The following ZSCAN21 variants were observed in gnomAD, a reference collection of about 807,000 sequenced individuals.
ZSCAN21 encodes zinc finger and SCAN domain containing 21.
A neutral mutation model predicts 35.6 loss-of-function variants in ZSCAN21; 26 were observed. That is an observed-to-expected ratio of 0.73 (90% CI 0.54 to 1.01). ZSCAN21 has a LOEUF of 1.01. ZSCAN21 is among the 50% of genes least tolerant of loss of function. The probability of loss-of-function intolerance (pLI) is 0.00; values close to 1 mark genes in which losing one functional copy is unlikely to be tolerated. For missense variants in ZSCAN21, 593 were observed against 587.1 expected, an observed-to-expected ratio of 1.01 and a Z score of -0.10; for synonymous variants, 219 against 219.3, an observed-to-expected ratio of 1.00 and a Z score of 0.01.
chr7:100,056,536 C>T (rs1044600755), intron 1 of ZSCAN21, among the ~76,000 whole-genome samples: 3 of 152,014 alleles, frequency 2.0e-5, no homozygotes, highest in South Asian at 2.1e-4. Context: ...GCAGGCTTGG[C>T]TCATTGTATC....
Position 100,057,760 on chromosome 7 carries a change from A to G in ZSCAN21, c.462A>G (p.Ala154=). 1.9e-6 allele frequency: 3 copies of G among 1,614,120 alleles called. No homozygotes were observed. Among genetic ancestry groups the G allele is most frequent in the Non-Finnish European group, 2.5e-6 (3 of 1,180,008 alleles). The change falls in exon 3 of 4, where the codon GCA becomes GCG. Residue 154 remains alanine, a synonymous_variant. Transcript: ENST00000292450. The part of the protein sequence containing the change: ...VWEKISSSGT[A]KESPSSMQPQ... ...AGAAGATATCCTCCTCAGGAACTGC[A>G]AAGGAATCCCCGAGCAGCATGCAGC...
intron 1 of ZSCAN21, among the ~76,000 whole-genome samples, chr7:100,051,038 A>G (rs1791841791): frequency 6.6e-6 from 1 of 150,856 alleles, no homozygotes; most frequent in African/African-American, 2.4e-5. Flanking sequence ...CTACAAATAC[A>G]AAATTAGGCG....
At chr7:100,053,497 A>G (rs1307569751) in intron 1 of ZSCAN21, among the ~76,000 whole-genome samples, 2 of 145,108 alleles carry the variant, frequency 1.4e-5, no homozygotes, top group African/African-American at 5.1e-5. Context: ...ACGTAAAGTT[A>G]ATCTGCCACT....
chr7:100,059,637 C>G (rs908909939), intron 3 of ZSCAN21, among the ~76,000 whole-genome samples: 20 of 147,518 alleles, frequency 1.4e-4, no homozygotes, highest in African/African-American at 4.5e-4. Flanking sequence ...AGTGCAACCT[C>G]TGCCTCCCAG....
At position 100,059,419 on chromosome 7, in the gene ZSCAN21, G is replaced by GA. The variant is rs201520961; in HGVS notation, c.592+1530dup. Among the ~76,000 whole-genome samples, 1,456 of 152,282 alleles carry GA rather than the reference G, an allele frequency of 9.6e-3. 9 individuals are homozygous for GA. The highest frequency in any genetic ancestry group is 0.013 in the Admixed American group (201 of 15,294). ...TAGCCCCTTGGCAGTATTACACAAA[G>GA]AGGAGGGTGGAGTGGAAGGATTATC... On this transcript the variant is annotated intron_variant, in intron 3 of 3. Transcript: ENST00000292450.
intron 3 of ZSCAN21, among the ~76,000 whole-genome samples, chr7:100,058,865 T>G (rs1052896124): frequency 3.3e-5 from 5 of 152,202 alleles, no homozygotes; most frequent in Non-Finnish European, 5.9e-5. Flanking sequence ...TCTGGCTAAC[T>G]TTATTTTTTT....
intron 1 of ZSCAN21, among the ~76,000 whole-genome samples, chr7:100,052,407 C>T (rs1791912583): frequency 6.6e-6 from 1 of 151,282 alleles, no homozygotes; most frequent in South Asian, 2.1e-4. Flanking sequence ...CCAGTCTAGG[C>T]AACAGGCTAA....
At chr7:100,058,810 A>G (rs925392726) in intron 3 of ZSCAN21, among the ~76,000 whole-genome samples, 2 of 152,138 alleles carry the variant, frequency 1.3e-5, no homozygotes, top group Admixed American at 1.3e-4. Context: ...CTGGGGCTCA[A>G]ATGATCCTCC....
chr7:100,053,545 A>AC (rs1554357976), intron 1 of ZSCAN21, among the ~76,000 whole-genome samples: 38,793 of 129,990 alleles, frequency 0.3, 6,905 homozygotes, highest in Middle Eastern at 0.49. Context: ...ATACATACAT[A>AC]ATTTTTTTTT....
intron 3 of ZSCAN21, among the ~76,000 whole-genome samples, chr7:100,063,502 T>C (rs960079796): frequency 6.6e-6 from 1 of 152,078 alleles, no homozygotes; most frequent in Non-Finnish European, 1.5e-5. Context: ...CTCTGGAGGC[T>C]GAGGCAGGAG....
intron 1 of ZSCAN21, among the ~76,000 whole-genome samples, chr7:100,056,343 A>G (rs370851532): frequency 4.5e-4 from 68 of 152,342 alleles, no homozygotes; most frequent in African/African-American, 1.4e-3. Flanking sequence ...TATAATATCT[A>G]TAGTGGTGAG....
intron 1 of ZSCAN21, among the ~76,000 whole-genome samples, chr7:100,056,344 T>C (rs892967725): frequency 6.6e-6 from 1 of 152,250 alleles, no homozygotes; most frequent in African/African-American, 2.4e-5. Context: ...ATAATATCTA[T>C]AGTGGTGAGA....
rs144925041 is a variant in ZSCAN21, at chr7:100,064,069, C to A, written c.874C>A (p.Leu292Ile). 1 of 1,614,182 alleles carries A rather than the reference C, an allele frequency of 6.2e-7. No individual in the cohort carries two copies. The highest frequency in any genetic ancestry group is 8.5e-7 in the Non-Finnish European group (1 of 1,180,050). ...CGKAFSNSSN[L>I]TKHRRTHTGE... is the part of the protein sequence containing the mutation. ...CAAAGCCTTTAGTAATAGCTCAAAT[C>A]TCACCAAACACAGGAGAACACACAC... is the stretch of plus-strand genomic sequence containing the variant. The change falls in exon 4 of 4, where the codon CTC (leucine) becomes ATC (isoleucine). Residue 292 changes from leucine to isoleucine, a missense_variant. Coordinates refer to ENST00000292450, the MANE Select transcript of ZSCAN21 (RefSeq NM_145914.3).
Position 100,064,324 on chromosome 7 carries a change from C to T in ZSCAN21, c.1129C>T (p.Arg377Cys), listed in dbSNP as rs371893061. 13 of 1,613,394 alleles carry T rather than the reference C, an allele frequency of 8.1e-6. No homozygotes were observed. Among genetic ancestry groups the T allele is most frequent in the South Asian group, 1.1e-5 (1 of 91,024 alleles). Residue 377 changes from arginine to cysteine, a missense_variant, in exon 4 of 4, where the codon CGT becomes TGT. By Grantham distance (180) the Arg-to-Cys change is radical. Coordinates refer to ENST00000292450, the MANE Select transcript of ZSCAN21 (RefSeq NM_145914.3). Reference protein sequence around the residue: ...KAFSGKGSLIRHYRIHTGEKP... With the variant: ...KAFSGKGSLICHYRIHTGEKP... Reference sequence around the variant, plus strand: ...TTTCAGCGGGAAAGGCAGCCTCATTCGTCACTATCGGATCCACACTGGGGA... The same window carrying T: ...TTTCAGCGGGAAAGGCAGCCTCATTTGTCACTATCGGATCCACACTGGGGA...
At chr7:100,053,288 G>A (rs1791951696) in intron 1 of ZSCAN21, among the ~76,000 whole-genome samples, 1 of 151,990 alleles carries the variant, frequency 6.6e-6, no homozygotes, top group African/African-American at 2.4e-5. Flanking sequence ...GATTCACCAA[G>A]TTCTCAGAGT....
chr7:100,057,814 C>T lies in ZSCAN21; in HGVS notation c.516C>T (p.Tyr172=), dbSNP rs370513852. Residue 172 remains tyrosine (Y), a synonymous_variant, in exon 3 of 4, where the codon TAC becomes TAT. Coordinates refer to ENST00000292450, the MANE Select transcript of ZSCAN21 (RefSeq NM_145914.3). ...QPQPLETSHK[Y]ESWGPLYIQE... is the part of the protein sequence containing the mutation. ...AGCCCTTGGAGACCAGTCACAAATA[C>T]GAGTCTTGGGGGCCCCTGTACATCC... 83 of 1,613,914 alleles carry T rather than the reference C, an allele frequency of 5.1e-5. No individual in the cohort carries two copies. Among genetic ancestry groups the T allele is most frequent in the South Asian group, 2.7e-4 (25 of 91,072 alleles).
intron 1 of ZSCAN21, among the ~76,000 whole-genome samples, chr7:100,055,517 G>A (rs1405834991): frequency 2.0e-5 from 3 of 152,132 alleles, no homozygotes; most frequent in African/African-American, 4.8e-5. Context: ...CTCCCAGAGT[G>A]CTGGGATTAC....
At position 100,057,362 on chromosome 7, in the gene ZSCAN21, T is replaced by C; in HGVS notation, c.356T>C (p.Leu119Pro). Residue 119 changes from leucine to proline, a missense_variant, in exon 2 of 4, where the codon CTC (leucine) becomes CCC (proline). Physicochemically the swap from Leu to Pro is moderately conservative, Grantham distance 98. Coordinates refer to ENST00000292450, the MANE Select transcript of ZSCAN21 (RefSeq NM_145914.3). ...CPESAEEAVT[L>P]LEDLERELDE... ...GAGAGCGCTGAAGAGGCTGTCACTCTCCTCGAAGATCTGGAGCGGGAACTG... is the reference window on the plus strand; with the variant it reads ...GAGAGCGCTGAAGAGGCTGTCACTCCCCTCGAAGATCTGGAGCGGGAACTG... 1 of 1,577,790 alleles carries C rather than the reference T, an allele frequency of 6.3e-7. No homozygotes were observed. Among genetic ancestry groups the C allele is most frequent in the Non-Finnish European group, 8.6e-7 (1 of 1,163,066 alleles).
At chr7:100,053,564 T>TTTTTG (rs1271917536) in intron 1 of ZSCAN21, among the ~76,000 whole-genome samples, 3 of 149,040 alleles carry the variant, frequency 2.0e-5, no homozygotes, top group Admixed American at 6.7e-5. Context: ...TTTTTTTTTT[T>TTTTTG]TTTTGCAACA....
Sources: gnomAD v4.1 joint callset for allele counts (sites outside exome capture counted in the v4.1 genomes callset) on GRCh38, gnomAD v4.1.1 for gene constraint, MANE v1.5 for transcripts, NCBI Gene and HGNC (gene_info 2026-07-23, HGNC 2026-07-21) for gene names.